The following RFTN1 variants were observed in gnomAD, a reference collection of about 807,000 sequenced individuals.
The protein encoded by RFTN1 is raftlin, lipid raft linker 1.
RFTN1 carries 26 observed loss-of-function variants against 46.5 expected under a neutral mutation model. The observed-to-expected ratio is 0.56, with a 90% CI of 0.41 to 0.78. The LOEUF is 0.78. Ranked by LOEUF, RFTN1 falls within the 30% of genes least tolerant of loss-of-function variation. The probability of loss-of-function intolerance (pLI) is 0.00; values close to 1 mark genes in which losing one functional copy is unlikely to be tolerated. For synonymous variants in RFTN1, 261 were observed against 284.2 expected (o/e 0.92, Z 0.82); for missense variants, 693 against 718.7 (o/e 0.96, Z 0.41).
intron 2 of RFTN1, among the ~76,000 whole-genome samples, chr3:16,467,713 T>C (rs1004318197): frequency 3.3e-5 from 5 of 151,918 alleles, no homozygotes; most frequent in Non-Finnish European, 7.4e-5. Context: ...TTCATGCACA[T>C]CAAAAGCTTC....
rs1392380678 is a variant in RFTN1 at position 16,348,597 on chromosome 3, G to A, written c.1146+9335C>T. On this transcript the variant is annotated intron_variant, in intron 7 of 9. Coordinates refer to ENST00000334133, the MANE Select transcript of RFTN1 (RefSeq NM_015150.2). The surrounding 1 kb of genome is among the most constrained non-coding windows in gnomAD (Gnocchi z 6.3). ...CCTTGAATGCCTTCCCATTTCCTTT[G>A]TAGGATGTCTTCTTCCCGAGGCTCC... Among the ~76,000 whole-genome samples, 3 of 152,086 alleles carry A rather than the reference G, an allele frequency of 2.0e-5. No homozygotes were observed. The highest frequency in any genetic ancestry group is 7.2e-5 in the African/African-American group (3 of 41,414).
At chr3:16,464,994 T>A (rs1038559950) in intron 2 of RFTN1, among the ~76,000 whole-genome samples, 1 of 152,170 alleles carries the variant, frequency 6.6e-6, no homozygotes, top group Non-Finnish European at 1.5e-5. Context: ...TTGCTTCCCA[T>A]CACAATGATT....
chr3:16,381,990 C>A lies in RFTN1; in HGVS notation c.442-3888G>T, dbSNP rs1313593040. Among the ~76,000 whole-genome samples, 1 of 152,182 alleles carries A rather than the reference C, an allele frequency of 6.6e-6. No homozygotes were observed. The highest frequency in any genetic ancestry group is 1.9e-4 in the East Asian group (1 of 5,204). ...AATGCTCATCTTTTACCTTCAACTT[C>A]AGCACAAATTTTGTATCTTATACCA... On this transcript the variant is annotated intron_variant, in intron 4 of 9. Transcript: ENST00000334133. This position sits in a 1 kb window ranked among gnomAD's most constrained non-coding sequence, Gnocchi z 4.2.
intron 2 of RFTN1, among the ~76,000 whole-genome samples, chr3:16,463,798 T>C (rs2076045034): frequency 6.6e-6 from 1 of 152,216 alleles, no homozygotes; most frequent in South Asian, 2.1e-4. Context: ...GATGAAGTTA[T>C]CTTCCTCAAG....
At chr3:16,472,279 G>A (rs1402548418) in intron 2 of RFTN1, among the ~76,000 whole-genome samples, 1 of 151,730 alleles carries the variant, frequency 6.6e-6, no homozygotes, top group South Asian at 2.1e-4. Flanking sequence ...ACTGAGAAAG[G>A]CAAAGTGTTC....
chr3:16,391,283 A>G (rs1188786091), intron 4 of RFTN1, among the ~76,000 whole-genome samples: 3 of 152,252 alleles, frequency 2.0e-5, no homozygotes, highest in Non-Finnish European at 4.4e-5. Flanking sequence ...ATTATTTCAT[A>G]TGCTAAATTT....
intron 4 of RFTN1, among the ~76,000 whole-genome samples, chr3:16,397,122 A>G (rs2074487984): frequency 6.6e-6 from 1 of 151,880 alleles, no homozygotes; most frequent in Non-Finnish European, 1.5e-5. Flanking sequence ...AGATGAATGG[A>G]TGAAAAATTG....
At chr3:16,487,021 T>C (rs2076458922) in intron 2 of RFTN1, among the ~76,000 whole-genome samples, 2 of 151,938 alleles carry the variant, frequency 1.3e-5, no homozygotes, top group South Asian at 2.1e-4. Flanking sequence ...GAGGACACAA[T>C]GAGAAGGCTG....
At chr3:16,454,705 T>C in intron 2 of RFTN1, 4 of 949,412 alleles carry the variant, frequency 4.2e-6, no homozygotes, top group Non-Finnish European at 5.0e-6. Flanking sequence ...TTCACAACTC[T>C]TTCTAGAAGA....
rs928344629 is a variant in RFTN1, at chr3:16,320,121, A to G, written c.1333-2889T>C. ...CAGAGTTCCATGTCAGCAGGAGCCA[A>G]TGGATTTAATTTGCACATTTTAAAA... On this transcript the variant is annotated intron_variant, in intron 9 of 9. Transcript: ENST00000334133. This position sits in a 1 kb window ranked among gnomAD's most constrained non-coding sequence, Gnocchi z 4.5. Among the ~76,000 whole-genome samples, 10 of 152,248 alleles carry G rather than the reference A, an allele frequency of 6.6e-5. No homozygotes were observed. The highest frequency in any genetic ancestry group is 2.4e-4 in the African/African-American group (10 of 41,466).
chr3:16,405,122 C>A (rs1445757051), intron 4 of RFTN1, among the ~76,000 whole-genome samples: 2 of 152,136 alleles, frequency 1.3e-5, no homozygotes, highest in Non-Finnish European at 2.9e-5. Context: ...ACTCTGCCTG[C>A]TTTACAATCC....
chr3:16,429,502 C>CATCT lies in RFTN1; in HGVS notation c.332+4345_332+4348dup, dbSNP rs1264016913. Among the ~76,000 whole-genome samples, 1 of 152,208 alleles carries CATCT rather than the reference C, an allele frequency of 6.6e-6. No individual in the cohort carries two copies. The highest frequency in any genetic ancestry group is 2.4e-5 in the African/African-American group (1 of 41,456). On this transcript the variant is annotated intron_variant, in intron 3 of 9. Transcript: ENST00000334133. The surrounding 1 kb of genome is among the most constrained non-coding windows in gnomAD (Gnocchi z 6.4). ...TGGTTTCCCTTCCAGTGAGAGGTGG[C>CATCT]ATCTCCTTCTCCCAAACTCCTGTGG...
rs13080602 is a variant in RFTN1, at chr3:16,353,317, G to A, written c.1146+4615C>T. ...AGCTGGAAAAATGCCCCCAGCCTTAGAGAGGGGCAGGCAGGAGAGGGGCTG... is the reference window on the plus strand; with the variant it reads ...AGCTGGAAAAATGCCCCCAGCCTTAAAGAGGGGCAGGCAGGAGAGGGGCTG... On this transcript the variant is annotated intron_variant, in intron 7 of 9. Coordinates refer to ENST00000334133, the MANE Select transcript of RFTN1 (RefSeq NM_015150.2). The surrounding 1 kb of genome is among the most constrained non-coding windows in gnomAD (Gnocchi z 5.4). Among the ~76,000 whole-genome samples the A allele has an allele frequency of 6.6e-6, 1 of 152,210 alleles. No individual in the cohort carries two copies. The highest frequency in any genetic ancestry group is 2.1e-4 in the South Asian group (1 of 4,824).
intron 2 of RFTN1, among the ~76,000 whole-genome samples, chr3:16,477,450 A>G (rs1043731035): frequency 1.3e-5 from 2 of 152,248 alleles, no homozygotes; most frequent in African/African-American, 4.8e-5. Context: ...ATGTTTCCCT[A>G]GACAAATAAT....
Position 16,451,614 on chromosome 3 carries a change from T to C in RFTN1, c.146-17577A>G, listed in dbSNP as rs182063393. The stretch of plus-strand genomic sequence containing the variant: ...CCAATTGCTGCCAATCAGAGCACAT[T>C]TCTCTTCGTGTCTTCCACCTAAAAA... On this transcript the variant is annotated intron_variant, in intron 2 of 9. Transcript: ENST00000334133. The surrounding 1 kb of genome is among the most constrained non-coding windows in gnomAD (Gnocchi z 4.2). 1.6e-4 allele frequency among the ~76,000 whole-genome samples: 25 copies of C among 152,328 alleles called. 1 individual carries two copies. The highest frequency in any genetic ancestry group is 5.8e-4 in the African/African-American group (24 of 41,570).
chr3:16,364,134 T>C (rs2073004403), intron 6 of RFTN1, among the ~76,000 whole-genome samples: 2 of 152,226 alleles, frequency 1.3e-5, no homozygotes, highest in Non-Finnish European at 2.9e-5. Context: ...CTAGAAAAGA[T>C]ATTACTCCTC....
chr3:16,441,492 A>T (rs2075623414), intron 2 of RFTN1, among the ~76,000 whole-genome samples: 1 of 152,192 alleles, frequency 6.6e-6, no homozygotes, highest in Non-Finnish European at 1.5e-5. Context: ...ACATTTGCAA[A>T]GGGCCAAAGT....
At chr3:16,325,495 T>C (rs929423237) in intron 8 of RFTN1, among the ~76,000 whole-genome samples, 1 of 152,160 alleles carries the variant, frequency 6.6e-6, no homozygotes, top group African/African-American at 2.4e-5. Context: ...CTTCTGGAAA[T>C]TGACCAGGAA....
rs2125312934 is a variant in RFTN1 at position 16,348,702 on chromosome 3, A to C, written c.1146+9230T>G. 6.6e-6 allele frequency among the ~76,000 whole-genome samples: 1 copy of C among 152,320 alleles called. No individual in the cohort carries two copies. The highest frequency in any genetic ancestry group is 2.4e-5 in the African/African-American group (1 of 41,580). Reference sequence around the variant, plus strand: ...AAAAGTAGTCACTCTCTTTGAGCCTATGGAGTTTCCCAGTTCCCTGAGGGT... The same window carrying C: ...AAAAGTAGTCACTCTCTTTGAGCCTCTGGAGTTTCCCAGTTCCCTGAGGGT... On this transcript the variant is annotated intron_variant, in intron 7 of 9. Coordinates refer to ENST00000334133, the MANE Select transcript of RFTN1 (RefSeq NM_015150.2). This position sits in a 1 kb window ranked among gnomAD's most constrained non-coding sequence, Gnocchi z 6.3.
Sources: allele counts gnomAD v4.1 joint callset (sites outside exome capture counted in the v4.1 genomes callset), GRCh38; gene constraint gnomAD v4.1.1; non-coding constraint Gnocchi (gnomAD v3.1); transcripts MANE v1.5; gene names NCBI Gene and HGNC (gene_info 2026-07-23, HGNC 2026-07-21).